The following SCLT1 variants were observed in gnomAD, a reference collection of about 807,000 sequenced individuals.
SCLT1 encodes the protein sodium channel and clathrin linker 1.
SCLT1 carries 78 observed loss-of-function variants against 112.8 expected under a neutral mutation model. The ratio of observed to expected loss-of-function variants is 0.69; its 90% CI spans 0.58 to 0.83. The LOEUF (loss-of-function observed/expected upper bound fraction) is 0.83, where lower values mean the gene tolerates loss of function less well. Ranked by LOEUF, SCLT1 falls within the 40% of genes least tolerant of loss-of-function variation. The pLI is 0.00. For synonymous variants in SCLT1, 257 were observed against 254.7 expected (o/e 1.01, Z -0.09); for missense variants, 747 against 770.4 (o/e 0.97, Z 0.36).
chr4:128,873,281 GAAAAAAAAAAGAAAAAA>G (rs1168381436), intron 5 of SCLT1: 2 of 105,638 alleles, frequency 1.9e-5, no homozygotes, highest in Non-Finnish European at 4.1e-5. Context: ...AAGAAAAAAA[GAAAAAAAAAAGAAAAAA>G]GAAAAAAAGA....
chr4:128,942,603 A>G (rs938420224), intron 17 of SCLT1, among the ~76,000 whole-genome samples: 5 of 152,126 alleles, frequency 3.3e-5, no homozygotes, highest in Admixed American at 6.6e-5. Flanking sequence ...TGGTTCTCAG[A>G]GCCTACTGCT....
chr4:129,092,888 G>A (rs1455141235), intron 1 of SCLT1, among the ~76,000 whole-genome samples, 182 bp downstream of exon 1: 1 of 152,096 alleles, frequency 6.6e-6, no homozygotes, highest in East Asian at 1.9e-4. Flanking sequence ...ACTACCACAC[G>A]GTTCTGCTTA....
intron 13 of SCLT1, among the ~76,000 whole-genome samples, chr4:128,956,641 G>T (rs757259983): frequency 1.3e-5 from 2 of 152,080 alleles, no homozygotes; most frequent in Non-Finnish European, 2.9e-5. Flanking sequence ...CCACTTAGTT[G>T]CTTGGGAGAA....
At chr4:129,090,737 C>G (rs1473506668) in intron 1 of SCLT1, among the ~76,000 whole-genome samples, 1 of 152,166 alleles carries the variant, frequency 6.6e-6, no homozygotes, top group Non-Finnish European at 1.5e-5. Context: ...ATTGATAATG[C>G]AAGTACCTCT....
intron 9 of SCLT1, among the ~76,000 whole-genome samples, chr4:128,986,028 T>G (rs565894789): frequency 6.6e-6 from 1 of 152,170 alleles, no homozygotes; most frequent in Non-Finnish European, 1.5e-5. Flanking sequence ...AAAAATCATG[T>G]GAGTGATCAC....
intron 13 of SCLT1, among the ~76,000 whole-genome samples, chr4:128,956,388 T>C (rs1739216357): frequency 6.6e-6 from 1 of 151,986 alleles, no homozygotes; most frequent in African/African-American, 2.4e-5. Flanking sequence ...ACTTCACAAA[T>C]AGGAAAGACA....
At chr4:128,902,157 G>A (rs1191890815) in intron 18 of SCLT1, among the ~76,000 whole-genome samples, 2 of 152,040 alleles carry the variant, frequency 1.3e-5, no homozygotes, top group African/African-American at 4.8e-5. Context: ...CTCCCACCTC[G>A]GCTTCCCAAA....
In SCLT1 at chr4:128,884,455, TG is replaced by T; in HGVS notation, c.*21del. The T allele has an allele frequency of 6.7e-7, 1 of 1,488,854 alleles. No individual in the cohort carries two copies. Among genetic ancestry groups the T allele is most frequent in the Non-Finnish European group, 9.4e-7 (1 of 1,068,190 alleles). 92.2% of individuals were successfully genotyped at this position (1,488,854 alleles called of 1,614,324 possible). A position where few individuals can be genotyped will look rare whatever the true frequency, so the allele number is the denominator to read the frequency against. ...AACTGCTTTCCCAACTCTAAAGTTC[TG>T]TGAGTGAACTATGAATATTTTTAAA... is the stretch of plus-strand genomic sequence containing the variant. On this transcript the variant is annotated 3_prime_UTR_variant, in exon 21 of 21. Transcript: ENST00000281142.
chr4:128,956,791 C>T (rs563861876), intron 13 of SCLT1, among the ~76,000 whole-genome samples: 1 of 152,030 alleles, frequency 6.6e-6, no homozygotes, highest in East Asian at 1.9e-4. Flanking sequence ...TTTATTTTAT[C>T]CAGTGGAGGG....
intron 18 of SCLT1, among the ~76,000 whole-genome samples, chr4:128,903,875 A>G (rs902168994): frequency 6.6e-6 from 1 of 152,196 alleles, no homozygotes; most frequent in African/African-American, 2.4e-5. Flanking sequence ...ATTAGAGAAA[A>G]TAATTGAGAG....
At chr4:129,069,935 C>T (rs1279683532) in intron 2 of SCLT1, among the ~76,000 whole-genome samples, 1 of 151,954 alleles carries the variant, frequency 6.6e-6, no homozygotes, top group Non-Finnish European at 1.5e-5. Context: ...CCCTTGTATG[C>T]CAATTTTGTT....
At chr4:129,026,939 T>G (rs1353275259) in intron 5 of SCLT1, among the ~76,000 whole-genome samples, 1 of 152,078 alleles carries the variant, frequency 6.6e-6, no homozygotes. Flanking sequence ...GCAAATAAAC[T>G]AGAAAATCTA....
chr4:128,952,562 G>A, intron 14 of SCLT1: 1 of 585,270 alleles, frequency 1.7e-6, no homozygotes, highest in Non-Finnish European at 3.1e-6. Context: ...ACAGTAAAAT[G>A]TGATAAATGC....
chr4:128,926,679 C>T (rs763707491), intron 18 of SCLT1, among the ~76,000 whole-genome samples: 5 of 151,948 alleles, frequency 3.3e-5, no homozygotes, highest in Non-Finnish European at 7.4e-5. Flanking sequence ...CAGTAATATA[C>T]AATAAATATA....
Position 129,057,148 on chromosome 4 carries a change from T to G in SCLT1, c.103-13097A>C, listed in dbSNP as rs193247649. Among the ~76,000 whole-genome samples, 9 of 152,336 alleles carry G rather than the reference T, an allele frequency of 5.9e-5. No individual in the cohort carries two copies. The East Asian group carries it at 1.5e-3, about 26-fold the overall frequency. On this transcript the variant is annotated intron_variant, in intron 2 of 20. Transcript: ENST00000281142. ...GTGATGTATCAAGTTTACTGACTTG[T>G]GTATGTTGAACTATCCTCACATCTC... is the stretch of plus-strand genomic sequence containing the variant.
intron 11 of SCLT1, among the ~76,000 whole-genome samples, chr4:128,963,440 A>C (rs574029011): frequency 2.1e-4 from 32 of 152,160 alleles, no homozygotes; most frequent in Non-Finnish European, 4.4e-4. Context: ...GGCTGGTACA[A>C]CAGTAGGTGC....
intron 18 of SCLT1, among the ~76,000 whole-genome samples, chr4:128,925,400 C>T (rs1042876865): frequency 4.0e-5 from 6 of 151,656 alleles, no homozygotes; most frequent in East Asian, 3.9e-4. Context: ...TGGAGTGCAG[C>T]GGCATGATCT....
intron 18 of SCLT1, among the ~76,000 whole-genome samples, chr4:128,893,020 T>C (rs1454602369): frequency 2.0e-5 from 3 of 152,214 alleles, no homozygotes; most frequent in African/African-American, 7.2e-5. Flanking sequence ...GTCAGTCTTC[T>C]AGGTCAAATG....
At chr4:129,029,340 T>C (rs1208776796) in intron 5 of SCLT1, among the ~76,000 whole-genome samples, 2 of 152,004 alleles carry the variant, frequency 1.3e-5, no homozygotes, top group Non-Finnish European at 2.9e-5. Context: ...TGGAATACTA[T>C]GCAGCCATAA....
Sources: allele counts gnomAD v4.1 joint callset (sites outside exome capture counted in the v4.1 genomes callset), GRCh38; gene constraint gnomAD v4.1.1; transcripts MANE v1.5; gene names NCBI Gene and HGNC (gene_info 2026-07-23, HGNC 2026-07-21).